Variants in SYCP1 observed in about 807,000 individuals in gnomAD.
SYCP1 encodes the protein synaptonemal complex protein 1, also known as cancer/testis antigen 8.
Under a neutral mutation model 153.1 loss-of-function variants are expected in SYCP1, and 64 were observed. That is an observed-to-expected ratio of 0.42 (90% CI 0.34 to 0.51). SYCP1 has a LOEUF of 0.51. SYCP1 is among the 20% of genes least tolerant of loss of function. The probability of loss-of-function intolerance (pLI) is 0.06; values close to 1 mark genes in which losing one functional copy is unlikely to be tolerated. For synonymous variants in SYCP1, 384 were observed against 341.8 expected (o/e 1.12, Z -1.36); for missense variants, 997 against 1,049.0 (o/e 0.95, Z 0.68).
intron 9 of SYCP1, 32 bp from the exon 10 acceptor site, chr1:114,876,037 T>C: frequency 6.8e-7 from 1 of 1,460,482 alleles, no homozygotes; most frequent in East Asian, 2.4e-5. Flanking sequence ...TTAAAAAAAT[T>C]TAAGTATGAT....
chr1:114,897,327 A>G (rs1250127217), intron 16 of SYCP1, among the ~76,000 whole-genome samples: 1 of 152,150 alleles, frequency 6.6e-6, no homozygotes, highest in African/African-American at 2.4e-5. Context: ...AGTTTGTTTG[A>G]TGGCCTGAAG....
chr1:114,925,506 A>C lies in SYCP1; in HGVS notation c.1801-772A>C, dbSNP rs76490042. Among the ~76,000 whole-genome samples, 51 of 152,250 alleles carry C rather than the reference A, an allele frequency of 3.3e-4. 2 individuals carry two copies. In the East Asian group the frequency reaches 8.7e-3, roughly 26 times the overall value. Reference sequence around the variant, plus strand: ...TTCCCAGAAAGAATCCAGGTTGTAAATATTTCCCAGATATTTTGTGTGACA... The same window carrying C: ...TTCCCAGAAAGAATCCAGGTTGTAACTATTTCCCAGATATTTTGTGTGACA... On this transcript the variant is annotated intron_variant, in intron 21 of 31. Coordinates refer to ENST00000369522, the MANE Select transcript of SYCP1 (RefSeq NM_003176.4).
chr1:114,868,828 T>G (rs1426872000), intron 8 of SYCP1, among the ~76,000 whole-genome samples: 1 of 152,224 alleles, frequency 6.6e-6, no homozygotes, highest in African/African-American at 2.4e-5. Flanking sequence ...AGCAAACCTG[T>G]GGGCATAGAA....
intron 27 of SYCP1, among the ~76,000 whole-genome samples, chr1:114,958,695 C>T (rs953524293): frequency 1.4e-5 from 2 of 145,184 alleles, no homozygotes; most frequent in African/African-American, 2.6e-5. Flanking sequence ...CTGAGGCGGG[C>T]GGATCACAAG....
At chr1:114,970,320 A>G (rs905352405) in intron 27 of SYCP1, among the ~76,000 whole-genome samples, 18 of 150,526 alleles carry the variant, frequency 1.2e-4, no homozygotes, top group African/African-American at 4.4e-4. Context: ...CATATCCTGT[A>G]TTATTTTTTA....
chr1:114,902,499 G>A (rs1201819578), intron 16 of SYCP1, among the ~76,000 whole-genome samples: 20 of 142,606 alleles, frequency 1.4e-4, no homozygotes, highest in Admixed American at 1.3e-3. Flanking sequence ...CTGCTAGCAG[G>A]CTTTCTGCAT....
intron 21 of SYCP1, 22 bp downstream of exon 21, chr1:114,923,552 A>G: frequency 6.5e-7 from 1 of 1,541,758 alleles, no homozygotes; most frequent in South Asian, 1.2e-5. Flanking sequence ...TTAATAATGG[A>G]TCGTATCACA....
intron 29 of SYCP1, among the ~76,000 whole-genome samples, chr1:114,984,437 G>A (rs1408323231): frequency 2.0e-5 from 3 of 151,986 alleles, no homozygotes; most frequent in African/African-American, 7.2e-5. Context: ...AATCTGGAGT[G>A]TGTCTGTCTC....
At chr1:114,962,731 AT>A (rs531325749) in intron 27 of SYCP1, among the ~76,000 whole-genome samples, 79 of 151,598 alleles carry the variant, frequency 5.2e-4, no homozygotes, top group African/African-American at 1.8e-3. Flanking sequence ...GAATACCTTG[AT>A]TTTTTTTCAT....
At position 114,888,397 on chromosome 1, in the gene SYCP1, T is replaced by A. The variant is rs189353511; in HGVS notation, c.1258+704T>A. On this transcript the variant is annotated intron_variant, in intron 15 of 31. Coordinates refer to ENST00000369522, the MANE Select transcript of SYCP1 (RefSeq NM_003176.4). ...AAGCTTTATTATTAGATTTAAATAGTTGTATAATTAAAATAATTATCAACT... is the reference window on the plus strand; with the variant it reads ...AAGCTTTATTATTAGATTTAAATAGATGTATAATTAAAATAATTATCAACT... Among the ~76,000 whole-genome samples, 157 of 152,122 alleles carry A rather than the reference T, an allele frequency of 1.0e-3. 2 individuals are homozygous for A. Among genetic ancestry groups the A allele is most frequent in the African/African-American group, 3.7e-3 (152 of 41,544 alleles).
chr1:114,898,848 C>T (rs1481130843), intron 16 of SYCP1, among the ~76,000 whole-genome samples: 1 of 152,090 alleles, frequency 6.6e-6, no homozygotes, highest in African/African-American at 2.4e-5. Context: ...AAAGCTAGGC[C>T]CAGCCATGGA....
chr1:114,857,294 A>C lies in SYCP1; in HGVS notation c.237+19A>C. 1 of 1,597,420 alleles carries C rather than the reference A, an allele frequency of 6.3e-7. No individual in the cohort carries two copies. The highest frequency in any genetic ancestry group is 8.5e-7 in the Non-Finnish European group (1 of 1,173,120). ...TGAGCAGGTCAGTTAAGCATAGTAC[A>C]TGTAGATATAATCTGTTTAGGTAAT... On this transcript the variant is annotated intron_variant, in intron 4 of 31. Transcript: ENST00000369522.
chr1:114,883,129 G>A (rs1482465491), intron 12 of SYCP1, among the ~76,000 whole-genome samples: 7 of 152,002 alleles, frequency 4.6e-5, no homozygotes, highest in African/African-American at 1.4e-4. Context: ...TCCTATTTTT[G>A]TCAGGAGCTT....
intron 27 of SYCP1, among the ~76,000 whole-genome samples, chr1:114,972,677 T>C (rs561358472): frequency 8.3e-4 from 126 of 152,184 alleles, no homozygotes; most frequent in Non-Finnish European, 1.5e-3. Context: ...TTCTGGAGCA[T>C]ATTGTTTAAA....
intron 8 of SYCP1, among the ~76,000 whole-genome samples, chr1:114,871,241 C>A (rs918648664): frequency 6.7e-6 from 1 of 150,286 alleles, no homozygotes; most frequent in Non-Finnish European, 1.5e-5. Flanking sequence ...CATCTCGGTT[C>A]ACCACAACCT....
At chr1:114,949,439 A>G (rs955058764) in intron 27 of SYCP1, among the ~76,000 whole-genome samples, 1 of 152,228 alleles carries the variant, frequency 6.6e-6, no homozygotes, top group African/African-American at 2.4e-5. Context: ...CTTGGGAGAC[A>G]TTACTTCAAG....
chr1:114,926,878 T>C (rs1338401487), intron 23 of SYCP1, among the ~76,000 whole-genome samples: 1 of 152,116 alleles, frequency 6.6e-6, no homozygotes, highest in African/African-American at 2.4e-5. Flanking sequence ...ATTGAGTAAG[T>C]GGAATGGATT....
At chr1:114,871,813 T>A (rs182141839) in intron 8 of SYCP1, among the ~76,000 whole-genome samples, 144 of 152,322 alleles carry the variant, frequency 9.5e-4, no homozygotes, top group African/African-American at 3.3e-3. Context: ...CTTGAACTCC[T>A]GACCTCAAGT....
At chr1:114,923,711 A>G (rs1416131239) in intron 21 of SYCP1, 181 bp downstream of exon 21, 2 of 457,252 alleles carry the variant, frequency 4.4e-6, no homozygotes, top group Admixed American at 5.1e-5. Flanking sequence ...ATTGATATCT[A>G]TATCTAGAAG....
Sources: gnomAD v4.1 joint callset for allele counts (sites outside exome capture counted in the v4.1 genomes callset) on GRCh38, gnomAD v4.1.1 for gene constraint, MANE v1.5 for transcripts, NCBI Gene and HGNC (gene_info 2026-07-23, HGNC 2026-07-21) for gene names.